The following RFX4 variants were observed in gnomAD, a reference collection of about 807,000 sequenced individuals.
The protein encoded by RFX4 is transcription factor RFX4.
Under a neutral mutation model 95.0 loss-of-function variants are expected in RFX4, and 10 were observed. The ratio of observed to expected loss-of-function variants is 0.11; its 90% CI spans 0.06 to 0.18. RFX4 has a LOEUF of 0.18. Among genes scored for constraint, RFX4 ranks in the 10% least tolerant of loss-of-function variants. The pLI is 1.00. For missense variants in RFX4, 640 were observed against 922.0 expected (o/e 0.69, Z 3.96); for synonymous variants, 321 against 340.7 (o/e 0.94, Z 0.64).
chr12:106,653,356 C>T (rs554331856), intron 3 of RFX4, among the ~76,000 whole-genome samples: 3 of 152,344 alleles, frequency 2.0e-5, no homozygotes, highest in African/African-American at 7.2e-5. Context: ...GGAGGTCTGA[C>T]GTCTTCTCAG....
intron 7 of RFX4, among the ~76,000 whole-genome samples, chr12:106,690,829 A>C (rs17038686): frequency 2.0e-5 from 3 of 152,214 alleles, no homozygotes; most frequent in African/African-American, 7.2e-5. Context: ...ACACTACTCA[A>C]ATCTCTAAGG....
chr12:106,715,335 A>G, intron 10 of RFX4, 65 bp from the exon 11 acceptor site: 1 of 1,552,356 alleles, frequency 6.4e-7, no homozygotes, highest in Non-Finnish European at 8.7e-7. Context: ...CAAGGCATAA[A>G]AGGAAATACA....
intron 3 of RFX4, among the ~76,000 whole-genome samples, chr12:106,648,621 G>GT (rs2040797563): frequency 7.0e-6 from 1 of 142,350 alleles, no homozygotes; most frequent in South Asian, 2.2e-4. Flanking sequence ...AAAAAATCCT[G>GT]TGGGGTTTTT....
At position 106,762,115 on chromosome 12, in the gene RFX4, G is replaced by A. The variant is rs1224727997; in HGVS notation, c.*646G>A. ...TTGGAATGTAAGCACTGTCTTGAGG[G>A]AAGGAAGAGGTCTGTTCTGTATTGC... On this transcript the variant is annotated 3_prime_UTR_variant, in exon 18 of 18. Coordinates refer to ENST00000392842, the MANE Select transcript of RFX4 (RefSeq NM_213594.3). 6.6e-6 allele frequency: 1 copy of A among 152,668 alleles called. No individual in the cohort carries two copies. Among genetic ancestry groups the A allele is most frequent in the African/African-American group, 2.4e-5 (1 of 41,458 alleles). 9.5% of individuals were successfully genotyped at this position (152,668 alleles called of 1,614,324 possible). A position where few individuals can be genotyped will look rare whatever the true frequency, so the allele number is the denominator to read the frequency against.
chr12:106,686,115 G>T (rs531162102), intron 5 of RFX4, among the ~76,000 whole-genome samples: 1 of 152,270 alleles, frequency 6.6e-6, no homozygotes, highest in Non-Finnish European at 1.5e-5. Flanking sequence ...TATTGATTAA[G>T]AAAAACATAG....
chr12:106,692,690 T>G (rs1185624683), intron 7 of RFX4, among the ~76,000 whole-genome samples: 1 of 152,214 alleles, frequency 6.6e-6, no homozygotes, highest in Non-Finnish European at 1.5e-5. Flanking sequence ...TAATTTGGAA[T>G]CATTTGCCTC....
intron 13 of RFX4, among the ~76,000 whole-genome samples, chr12:106,725,461 A>T (rs1184833245): frequency 6.6e-6 from 1 of 152,234 alleles, no homozygotes; most frequent in Non-Finnish European, 1.5e-5. Flanking sequence ...TAAAAAGTTA[A>T]AAATAAGTTC....
intron 2 of RFX4, among the ~76,000 whole-genome samples, chr12:106,637,611 T>C (rs1339206773): frequency 1.3e-5 from 2 of 152,180 alleles, no homozygotes; most frequent in Non-Finnish European, 2.9e-5. Flanking sequence ...CCTAATTATC[T>C]TGGGCCAAAT....
At chr12:106,670,640 T>G (rs536502779) in intron 4 of RFX4, among the ~76,000 whole-genome samples, 6 of 152,330 alleles carry the variant, frequency 3.9e-5, no homozygotes, top group Admixed American at 3.9e-4. Context: ...ACCTGTAGCA[T>G]TCTCTAACCC....
chr12:106,584,544 T>G (rs893539100), intron 1 of RFX4, among the ~76,000 whole-genome samples: 1 of 152,130 alleles, frequency 6.6e-6, no homozygotes, highest in African/African-American at 2.4e-5. Context: ...AGCATGCACG[T>G]CCTTTCCTTG....
At chr12:106,686,042 TTCAG>T (rs1200105304) in intron 5 of RFX4, among the ~76,000 whole-genome samples, 1 of 152,252 alleles carries the variant, frequency 6.6e-6, no homozygotes, top group Non-Finnish European at 1.5e-5. Flanking sequence ...TCGCTTTACA[TTCAG>T]TGTCAACTGA....
At chr12:106,730,467 T>G (rs543460774) in intron 13 of RFX4, among the ~76,000 whole-genome samples, 1 of 152,320 alleles carries the variant, frequency 6.6e-6, no homozygotes, top group Non-Finnish European at 1.5e-5. Flanking sequence ...CAGACCAAAC[T>G]GAGGCAAATC....
chr12:106,732,355 TG>T, intron 14 of RFX4, 106 bp downstream of exon 14: 8 of 1,464,716 alleles, frequency 5.5e-6, no homozygotes, highest in Non-Finnish European at 7.4e-6. Flanking sequence ...AATTTAGTTA[TG>T]GTGAACAGGT....
chr12:106,588,986 T>G (rs1462540245), intron 1 of RFX4, among the ~76,000 whole-genome samples: 4 of 152,158 alleles, frequency 2.6e-5, no homozygotes, highest in African/African-American at 9.7e-5. Flanking sequence ...CACTCAGGTC[T>G]CTACTCCACA....
At chr12:106,723,862 G>A (rs1395851945) in intron 13 of RFX4, among the ~76,000 whole-genome samples, 1 of 152,198 alleles carries the variant, frequency 6.6e-6, no homozygotes, top group African/African-American at 2.4e-5. Flanking sequence ...ACCCAGAGAA[G>A]AGAGGACTTG....
chr12:106,599,970 A>G (rs1024556458), intron 1 of RFX4, among the ~76,000 whole-genome samples: 1 of 152,108 alleles, frequency 6.6e-6, no homozygotes, highest in Non-Finnish European at 1.5e-5. Flanking sequence ...GCAGCACCAG[A>G]TGGAGCTGCC....
At chr12:106,636,922 T>C (rs553346973) in intron 2 of RFX4, among the ~76,000 whole-genome samples, 1 of 152,280 alleles carries the variant, frequency 6.6e-6, no homozygotes, top group South Asian at 2.1e-4. Flanking sequence ...CCATCCCAAG[T>C]TTGCTGCTTT....
intron 1 of RFX4, among the ~76,000 whole-genome samples, chr12:106,596,395 C>A (rs58982316): frequency 0.037 from 5,584 of 152,272 alleles, 355 homozygotes; most frequent in African/African-American, 0.12. Context: ...AACTGTGAGT[C>A]CAATCAAACC....
At chr12:106,678,845 A>G (rs2041447562) in intron 4 of RFX4, among the ~76,000 whole-genome samples, 1 of 152,186 alleles carries the variant, frequency 6.6e-6, no homozygotes, top group South Asian at 2.1e-4. Context: ...TGGCTATTTC[A>G]TAATTTCTAC....
Sources: allele counts gnomAD v4.1 joint callset (sites outside exome capture counted in the v4.1 genomes callset), GRCh38; gene constraint gnomAD v4.1.1; transcripts MANE v1.5; gene names NCBI Gene and HGNC (gene_info 2026-07-23, HGNC 2026-07-21).